The following TLN2 variants were observed in gnomAD, a reference collection of about 807,000 sequenced individuals.
The protein encoded by TLN2 is talin-2.
TLN2 carries 118 observed loss-of-function variants against 294.7 expected under a neutral mutation model. The observed-to-expected ratio is 0.40, with a 90% CI of 0.34 to 0.47. TLN2 has a LOEUF of 0.47. Ranked by LOEUF, TLN2 falls within the 20% of genes least tolerant of loss-of-function variation. The pLI, the probability that TLN2 is intolerant of heterozygous loss-of-function variation, is 0.84. For missense variants in TLN2, 3,083 were observed against 3,282.2 expected, an observed-to-expected ratio of 0.94 and a Z score of 1.48; for synonymous variants, 1,431 against 1,304.5, an observed-to-expected ratio of 1.10 and a Z score of -2.09.
chr15:62,488,824 G>A (rs2038549579), intron 1 of TLN2, among the ~76,000 whole-genome samples: 1 of 152,156 alleles, frequency 6.6e-6, no homozygotes, highest in South Asian at 2.1e-4. Flanking sequence ...GTAAGAATAT[G>A]AGCATTCCAA....
intron 52 of TLN2, among the ~76,000 whole-genome samples, chr15:62,810,745 G>A (rs1288152039): frequency 6.6e-6 from 1 of 152,176 alleles, no homozygotes; most frequent in Admixed American, 6.5e-5. Flanking sequence ...TCTCTGCTGA[G>A]TTCAGGAGCC....
chr15:62,582,681 A>G (rs2045243042), intron 1 of TLN2, among the ~76,000 whole-genome samples: 1 of 151,948 alleles, frequency 6.6e-6, no homozygotes, highest in African/African-American at 2.4e-5. Flanking sequence ...TAGAGCACAG[A>G]CTCCCAGGGC....
At chr15:62,740,519 G>A in intron 31 of TLN2, 111 bp from the exon 32 acceptor site, 1 of 1,457,748 alleles carries the variant, frequency 6.9e-7, no homozygotes, top group South Asian at 1.3e-5. Flanking sequence ...GGTTTAATGT[G>A]ATCTATACGG....
intron 1 of TLN2, among the ~76,000 whole-genome samples, chr15:62,545,616 C>G (rs2041955521): frequency 6.6e-6 from 1 of 151,786 alleles, no homozygotes; most frequent in Non-Finnish European, 1.5e-5. Context: ...TGCAAATCTC[C>G]TGCAAATTTG....
chr15:62,818,142 A>G (rs1013915245), intron 52 of TLN2, among the ~76,000 whole-genome samples: 4 of 152,130 alleles, frequency 2.6e-5, no homozygotes, highest in African/African-American at 9.7e-5. Flanking sequence ...CCTGAGACAT[A>G]GGCATTATCC....
In TLN2 at chr15:62,763,657, A is replaced by G. The variant is rs1158319347; in HGVS notation, c.5056A>G (p.Ser1686Gly). The G allele has an allele frequency of 1.9e-6, 3 of 1,612,974 alleles. No individual in the cohort carries two copies. The highest frequency in any genetic ancestry group is 2.5e-6 in the Non-Finnish European group (3 of 1,179,700). Residue 1686 changes from serine to glycine, a missense_variant, in exon 40 of 59, where the codon AGC (serine) becomes GGC (glycine). Coordinates refer to ENST00000636159, the MANE Select transcript of TLN2 (RefSeq NM_015059.3). ...DIEQASLAAV[S>G]QSLATRDDIS... is the part of the protein sequence containing the mutation. ...CGAGCAGGCCTCGCTGGCCGCCGTCAGCCAGAGCCTGGCCACGAGGGACGA... is the reference window on the plus strand; with the variant it reads ...CGAGCAGGCCTCGCTGGCCGCCGTCGGCCAGAGCCTGGCCACGAGGGACGA...
intron 5 of TLN2, among the ~76,000 whole-genome samples, chr15:62,650,466 G>A (rs1414813208): frequency 6.6e-6 from 1 of 152,188 alleles, no homozygotes; most frequent in Non-Finnish European, 1.5e-5. Context: ...CTTACTGTAA[G>A]TATGGAAGAG....
chr15:62,520,652 G>A (rs16945208), intron 1 of TLN2, among the ~76,000 whole-genome samples: 20,208 of 152,218 alleles, frequency 0.13, 2,095 homozygotes, highest in East Asian at 0.56. Context: ...GACCAAGGAG[G>A]TGGTTGGAAA....
intron 41 of TLN2, 92 bp downstream of exon 41, chr15:62,766,514 T>A (rs2063017743): frequency 7.9e-7 from 1 of 1,258,912 alleles, no homozygotes; most frequent in African/African-American, 1.5e-5. Context: ...CCCAAAAGCC[T>A]GTGGTGCAAG....
At chr15:62,573,910 A>G (rs1358363380) in intron 1 of TLN2, among the ~76,000 whole-genome samples, 2 of 152,062 alleles carry the variant, frequency 1.3e-5, no homozygotes, top group East Asian at 3.9e-4. Flanking sequence ...CTATCTGATG[A>G]AAGTTGGAGG....
At chr15:62,703,548 G>T (rs2058849264) in intron 19 of TLN2, among the ~76,000 whole-genome samples, 1 of 151,588 alleles carries the variant, frequency 6.6e-6, no homozygotes. Context: ...TCAGGAGGAG[G>T]TTTTAATGGC....
At chr15:62,508,206 A>T (rs559706093) in intron 1 of TLN2, among the ~76,000 whole-genome samples, 2 of 152,000 alleles carry the variant, frequency 1.3e-5, no homozygotes, top group South Asian at 2.1e-4. Context: ...ATGATTTTTT[A>T]AAATTATTTT....
chr15:62,666,984 G>A (rs1365345435), intron 9 of TLN2, among the ~76,000 whole-genome samples: 1 of 151,902 alleles, frequency 6.6e-6, no homozygotes, highest in Non-Finnish European at 1.5e-5. Flanking sequence ...TTTCTTTTTT[G>A]AGATGGAGTC....
intron 1 of TLN2, among the ~76,000 whole-genome samples, chr15:62,429,145 T>G (rs2034878434): frequency 2.0e-5 from 3 of 147,816 alleles, no homozygotes; most frequent in Admixed American, 6.8e-5. Flanking sequence ...GGGGTAGTGG[T>G]GAGCCCTAAG....
chr15:62,541,824 T>C (rs1042624318), intron 1 of TLN2, among the ~76,000 whole-genome samples: 2 of 152,154 alleles, frequency 1.3e-5, no homozygotes, highest in African/African-American at 4.8e-5. Flanking sequence ...GGATATTTAT[T>C]GTAACTTCAA....
chr15:62,547,691 G>T (rs180825730), intron 1 of TLN2, among the ~76,000 whole-genome samples: 20 of 152,290 alleles, frequency 1.3e-4, no homozygotes, highest in African/African-American at 4.6e-4. Context: ...AGGTGTGGAT[G>T]TTTACTTTTT....
At chr15:62,704,382 G>A (rs974096841) in intron 19 of TLN2, among the ~76,000 whole-genome samples, 2 of 152,078 alleles carry the variant, frequency 1.3e-5, no homozygotes, top group Non-Finnish European at 2.9e-5. Flanking sequence ...AGATCCTCTG[G>A]CATTCAGGTT....
chr15:62,636,875 G>A (rs1033974331), intron 3 of TLN2, among the ~76,000 whole-genome samples: 2 of 152,176 alleles, frequency 1.3e-5, no homozygotes, highest in Non-Finnish European at 2.9e-5. Flanking sequence ...AGGAGCTTGC[G>A]CACAGTTCTT....
chr15:62,613,345 A>C (rs987291700), intron 2 of TLN2, among the ~76,000 whole-genome samples: 4 of 152,208 alleles, frequency 2.6e-5, no homozygotes, highest in African/African-American at 9.7e-5. Flanking sequence ...AGAATGGTCA[A>C]CTTCTGTCCA....
Sources: gnomAD v4.1 joint callset for allele counts (sites outside exome capture counted in the v4.1 genomes callset) on GRCh38, gnomAD v4.1.1 for gene constraint, MANE v1.5 for transcripts, NCBI Gene and HGNC (gene_info 2026-07-23, HGNC 2026-07-21) for gene names.